GRIN2A: variants seen among roughly 807,000 people sequenced by gnomAD.
GRIN2A encodes glutamate ionotropic receptor NMDA type subunit 2A, also known as glutamate receptor ionotropic, NMDA 2A.
Under a neutral mutation model 113.4 loss-of-function variants are expected in GRIN2A, and 22 were observed. The ratio of observed to expected loss-of-function variants is 0.19; its 90% CI spans 0.14 to 0.28. The LOEUF (loss-of-function observed/expected upper bound fraction) is 0.28. Ranked by LOEUF, GRIN2A falls within the 10% of genes least tolerant of loss-of-function variation. The pLI is 1.00. For missense variants in GRIN2A, 1,502 were observed against 1,887.0 expected (o/e 0.80, Z 3.78); for synonymous variants, 827 against 738.4 (o/e 1.12, Z -1.94).
chr16:9,928,164 G>A (rs1411105717), intron 3 of GRIN2A, among the ~76,000 whole-genome samples: 2 of 152,154 alleles, frequency 1.3e-5, no homozygotes, highest in Non-Finnish European at 2.9e-5. Context: ...CCTGGACGGG[G>A]GCTCATTCAC....
chr16:10,157,351 T>G (rs2049719080), intron 2 of GRIN2A, among the ~76,000 whole-genome samples: 1 of 152,204 alleles, frequency 6.6e-6, no homozygotes, highest in South Asian at 2.1e-4. Context: ...AATTAGTCAG[T>G]GAGGAAGTCT....
chr16:9,919,267 C>T (rs903916659), intron 3 of GRIN2A, among the ~76,000 whole-genome samples: 1 of 152,158 alleles, frequency 6.6e-6, no homozygotes. Flanking sequence ...TCATACCATG[C>T]TTCTCTTAGT....
intron 2 of GRIN2A, among the ~76,000 whole-genome samples, chr16:10,160,897 C>A (rs955324948): frequency 6.6e-5 from 10 of 152,172 alleles, no homozygotes; most frequent in African/African-American, 2.2e-4. Flanking sequence ...GAGGCACGTT[C>A]GTGGAGCCAG....
chr16:10,033,943 G>C (rs141883916), intron 2 of GRIN2A: 1 of 152,232 alleles, frequency 6.6e-6, no homozygotes, highest in African/African-American at 2.4e-5. Context: ...TGCCTTCTTG[G>C]GTCATTGAGC....
intron 2 of GRIN2A, among the ~76,000 whole-genome samples, chr16:10,069,910 C>T (rs1411395967): frequency 6.6e-6 from 1 of 152,162 alleles, no homozygotes; most frequent in African/African-American, 2.4e-5. Flanking sequence ...GAGAGAAAGA[C>T]CTGGGAAGGA....
chr16:9,990,543 ACACGCGCGCG>A (rs771402904), intron 2 of GRIN2A, among the ~76,000 whole-genome samples: 5 of 120,212 alleles, frequency 4.2e-5, no homozygotes, highest in African/African-American at 1.6e-4. Context: ...CTCTCTCTCT[ACACGCGCGCG>A]CGCGCGCGCG....
chr16:10,111,287 T>C (rs2048607505), intron 2 of GRIN2A: 1 of 350,600 alleles, frequency 2.9e-6, no homozygotes, highest in Non-Finnish European at 5.5e-6. Flanking sequence ...TTAAAAATTA[T>C]GCTTACAGTT....
chr16:9,772,112 G>A (rs1901310430), intron 11 of GRIN2A, among the ~76,000 whole-genome samples: 1 of 152,106 alleles, frequency 6.6e-6, no homozygotes, highest in African/African-American at 2.4e-5. Context: ...CGGTTGTGTA[G>A]GTAAAGGGAT....
At chr16:9,926,545 A>T (rs1423542805) in intron 3 of GRIN2A, among the ~76,000 whole-genome samples, 2 of 152,238 alleles carry the variant, frequency 1.3e-5, no homozygotes, top group Non-Finnish European at 2.9e-5. Flanking sequence ...GAGGTGAGCT[A>T]TCAAAACTCC....
At chr16:9,914,056 G>T (rs1354038197) in intron 3 of GRIN2A, among the ~76,000 whole-genome samples, 2 of 148,672 alleles carry the variant, frequency 1.3e-5, no homozygotes, top group Non-Finnish European at 3.0e-5. Flanking sequence ...AGGCTCCCAA[G>T]AATGTTTGAT....
intron 2 of GRIN2A, among the ~76,000 whole-genome samples, chr16:10,116,872 C>T (rs950924635): frequency 1.3e-5 from 2 of 152,118 alleles, no homozygotes; most frequent in African/African-American, 4.8e-5. Context: ...CTGCCATATG[C>T]AGGAGCCAAA....
Position 9,944,792 on chromosome 16 carries a change from A to G in GRIN2A, c.415-6241T>C, listed in dbSNP as rs555569211. ...GAGTGCAAGACTGCCCGTGGGCAGG[A>G]AAGGATCCCATGCTCTATGTACTTA... On this transcript the variant is annotated intron_variant, in intron 2 of 12. Transcript: ENST00000330684. Among the ~76,000 whole-genome samples, 6 of 152,286 alleles carry G rather than the reference A, an allele frequency of 3.9e-5. No homozygotes were observed. In the East Asian group the frequency reaches 9.7e-4, roughly 25 times the overall value.
chr16:9,815,266 T>TA (rs200804639), intron 10 of GRIN2A, among the ~76,000 whole-genome samples: 5 of 151,846 alleles, frequency 3.3e-5, no homozygotes, highest in African/African-American at 1.2e-4. Context: ...AATTTTTTTT[T>TA]AAATGTGCAT....
intron 2 of GRIN2A, among the ~76,000 whole-genome samples, chr16:9,940,090 G>A (rs955720183): frequency 6.6e-6 from 1 of 151,404 alleles, no homozygotes; most frequent in Non-Finnish European, 1.5e-5. Flanking sequence ...GTGTGTGAAA[G>A]GTGGATGTTC....
At chr16:9,780,102 C>A (rs1273374499) in intron 11 of GRIN2A, among the ~76,000 whole-genome samples, 1 of 152,228 alleles carries the variant, frequency 6.6e-6, no homozygotes, top group East Asian at 1.9e-4. Context: ...GCCAGCTTTA[C>A]CTCTTACAGA....
intron 3 of GRIN2A, among the ~76,000 whole-genome samples, chr16:9,912,977 T>C (rs1028201740): frequency 2.0e-5 from 3 of 152,246 alleles, no homozygotes; most frequent in Non-Finnish European, 4.4e-5. Flanking sequence ...AACTGCTCCC[T>C]CTGCCCTTGG....
intron 5 of GRIN2A, among the ~76,000 whole-genome samples, chr16:9,843,003 C>G (rs60213435): frequency 0.35 from 47,001 of 133,698 alleles, 8,524 homozygotes; most frequent in African/African-American, 0.53. Context: ...AAGAGAGAAA[C>G]AGAAAGAGAA....
chr16:9,812,597 C>T (rs145139376), intron 10 of GRIN2A, among the ~76,000 whole-genome samples: 244 of 151,864 alleles, frequency 1.6e-3, no homozygotes, highest in Middle Eastern at 6.8e-3. Context: ...GAGATAGTAC[C>T]GCTGCACTCC....
intron 2 of GRIN2A, among the ~76,000 whole-genome samples, chr16:10,037,763 C>T (rs1485720730): frequency 1.3e-5 from 2 of 152,104 alleles, no homozygotes; most frequent in Non-Finnish European, 2.9e-5. Context: ...GTATCTGAGA[C>T]AGGCGCATGC....
Sources: allele counts gnomAD v4.1 joint callset (sites outside exome capture counted in the v4.1 genomes callset), GRCh38; gene constraint gnomAD v4.1.1; transcripts MANE v1.5; gene names NCBI Gene and HGNC (gene_info 2026-07-23, HGNC 2026-07-21).